DPYS: variants seen among roughly 807,000 people sequenced by gnomAD.
DPYS encodes the protein dihydropyrimidine amidohydrolase.
DPYS carries 39 observed loss-of-function variants against 50.3 expected under a neutral mutation model. The observed-to-expected ratio is 0.78, with a 90% confidence interval of 0.60 to 1.01. DPYS has a LOEUF of 1.01. DPYS is among the 50% of genes least tolerant of loss of function. DPYS has a pLI of 0.00. For missense variants in DPYS, 659 were observed against 680.9 expected (o/e 0.97, Z 0.36); for synonymous variants, 245 against 250.7 (o/e 0.98, Z 0.22).
At chr8:104,420,702 A>C (rs1812512340) in intron 7 of DPYS, 1 of 117,588 alleles carries the variant, frequency 8.5e-6, no homozygotes, top group South Asian at 2.4e-4. Context: ...CCACTTTTCA[A>C]AAAAAAAAAA....
intron 8 of DPYS, among the ~76,000 whole-genome samples, chr8:104,390,420 T>C (rs761505864): frequency 2.0e-5 from 3 of 152,202 alleles, no homozygotes; most frequent in Non-Finnish European, 4.4e-5. Flanking sequence ...AAGCAGGGTT[T>C]ATGTCCTGGC....
Position 104,424,328 on chromosome 8 carries a change from A to AT in DPYS, c.1153dup (p.Ile385AsnfsTer3). The AT allele has an allele frequency of 6.2e-7, 1 of 1,614,122 alleles. No homozygotes were observed. Among genetic ancestry groups the AT allele is most frequent in the Non-Finnish European group, 8.5e-7 (1 of 1,180,012 alleles). ...TCCTTTTCTTGGATAGAGATTAAAA[A>AT]TTTTGGCTGCATTTGTGCTGGTAAC... On this transcript the variant is annotated frameshift_variant, in exon 7 of 10. Coordinates refer to ENST00000351513, the MANE Select transcript of DPYS (RefSeq NM_001385.3). LOFTEE classifies it high-confidence loss of function.
intron 4 of DPYS, among the ~76,000 whole-genome samples, chr8:104,431,249 T>G (rs567878410): frequency 6.6e-6 from 1 of 152,220 alleles, no homozygotes; most frequent in South Asian, 2.1e-4. Flanking sequence ...AGTTCTGCAA[T>G]TTTAACAGCA....
rs186715409 is a variant in DPYS at position 104,387,352 on chromosome 8, T to C, written c.1443+5432A>G. On this transcript the variant is annotated intron_variant, in intron 8 of 9. Transcript: ENST00000351513. ...GATTTTGAAGCAATAAATAAATAAA[T>C]AAACAAACAAACAAACAAAATGCTG... is the stretch of plus-strand genomic sequence containing the variant. Among the ~76,000 whole-genome samples the C allele has an allele frequency of 5.5e-3, 838 of 152,158 alleles. 6 individuals carry two copies. The highest frequency in any genetic ancestry group is 9.6e-3 in the South Asian group (46 of 4,808).
At chr8:104,429,309 A>G in intron 5 of DPYS, 1 of 549,282 alleles carries the variant, frequency 1.8e-6, no homozygotes, top group Non-Finnish European at 3.2e-6. Context: ...AGAAAAGAGT[A>G]AAGTTTCAGT....
intron 6 of DPYS, among the ~76,000 whole-genome samples, chr8:104,424,770 G>A (rs953080867): frequency 6.6e-6 from 1 of 151,450 alleles, no homozygotes; most frequent in African/African-American, 2.4e-5. Flanking sequence ...TAAGATTTAT[G>A]AGATAATCAT....
At chr8:104,418,754 C>T (rs1343559673) in intron 7 of DPYS, 1 of 152,478 alleles carries the variant, frequency 6.6e-6, no homozygotes, top group Non-Finnish European at 1.5e-5. Flanking sequence ...TGCTCTAACT[C>T]CACAATGATC....
rs368159808 is a variant in DPYS, at chr8:104,429,553, C to G, written c.942G>C (p.Leu314=). The change falls in exon 5 of 10, where the codon CTG becomes CTC. Residue 314 remains leucine, a synonymous_variant. Coordinates refer to ENST00000351513, the MANE Select transcript of DPYS (RefSeq NM_001385.3). ...DPSTPDFLMN[L]LANDDLTTTG... is the part of the protein sequence containing the mutation. ...ATCTGCAAAATGATTACTTAGCCAA[C>G]AGATTCATGAGGAAGTCGGGTGTTG... is the stretch of plus-strand genomic sequence containing the variant. 6.2e-6 allele frequency: 10 copies of G among 1,613,916 alleles called. No homozygotes were observed. Among genetic ancestry groups the G allele is most frequent in the Non-Finnish European group, 8.5e-6 (10 of 1,179,974 alleles).
chr8:104,457,604 C>T (rs1427987196), intron 1 of DPYS, among the ~76,000 whole-genome samples: 1 of 152,152 alleles, frequency 6.6e-6, no homozygotes, highest in Non-Finnish European at 1.5e-5. Context: ...ACAGAACCTG[C>T]ACCACCCAAG....
At chr8:104,449,329 G>A (rs1813649787) in intron 2 of DPYS, among the ~76,000 whole-genome samples, 1 of 152,198 alleles carries the variant, frequency 6.6e-6, no homozygotes, top group African/African-American at 2.4e-5. Context: ...TGCTCCCTGA[G>A]TAGAAGAGCC....
intron 4 of DPYS, among the ~76,000 whole-genome samples, chr8:104,438,764 C>T (rs73293227): frequency 0.018 from 2,720 of 152,200 alleles, 77 homozygotes; most frequent in African/African-American, 0.062. Flanking sequence ...CTTAGGGCCT[C>T]TAAGTTTCTT....
chr8:104,422,850 C>T (rs1293028211), intron 7 of DPYS, among the ~76,000 whole-genome samples: 3 of 152,184 alleles, frequency 2.0e-5, no homozygotes, highest in Non-Finnish European at 2.9e-5. Context: ...GGGTGTACAG[C>T]AGCCCGCTGT....
intron 2 of DPYS, among the ~76,000 whole-genome samples, chr8:104,448,043 T>A (rs2140722189): frequency 6.6e-6 from 1 of 152,198 alleles, no homozygotes. Flanking sequence ...CATTGGCAGC[T>A]CCTAGGAGGT....
intron 7 of DPYS, among the ~76,000 whole-genome samples, chr8:104,408,061 G>A (rs368337934): frequency 1.1e-4 from 17 of 152,168 alleles, no homozygotes; most frequent in Admixed American, 9.8e-4. Flanking sequence ...CACCTACTCC[G>A]TGCCAGGCAC....
chr8:104,446,032 G>A (rs190429569), intron 3 of DPYS, among the ~76,000 whole-genome samples: 232 of 152,108 alleles, frequency 1.5e-3, no homozygotes, highest in Non-Finnish European at 2.7e-3. Flanking sequence ...GCAACAGAGC[G>A]GGACTCCATC....
chr8:104,433,668 A>G (rs1005929271), intron 4 of DPYS, among the ~76,000 whole-genome samples: 7 of 152,168 alleles, frequency 4.6e-5, no homozygotes, highest in African/African-American at 7.2e-5. Context: ...TTGAGACTCA[A>G]AATCACCTTG....
chr8:104,455,284 T>C (rs748696637), intron 1 of DPYS, among the ~76,000 whole-genome samples: 13 of 152,080 alleles, frequency 8.5e-5, no homozygotes, highest in Non-Finnish European at 1.6e-4. Context: ...GAAGAGACGC[T>C]CTGAGGAAGA....
chr8:104,387,938 T>G (rs1254138782), intron 8 of DPYS, among the ~76,000 whole-genome samples: 2 of 152,214 alleles, frequency 1.3e-5, no homozygotes, highest in Non-Finnish European at 2.9e-5. Context: ...CTGGCTGTTT[T>G]CAAGCTACCA....
At chr8:104,433,821 G>A (rs1331298247) in intron 4 of DPYS, among the ~76,000 whole-genome samples, 3 of 152,170 alleles carry the variant, frequency 2.0e-5, no homozygotes, top group African/African-American at 7.2e-5. Context: ...AGGGGCCACT[G>A]TGTAGATTTT....
Sources: allele counts gnomAD v4.1 joint callset (sites outside exome capture counted in the v4.1 genomes callset), GRCh38; gene constraint gnomAD v4.1.1; transcripts MANE v1.5; gene names NCBI Gene and HGNC (gene_info 2026-07-23, HGNC 2026-07-21).